Variants in ELL observed in about 807,000 individuals in gnomAD.
ELL encodes RNA polymerase II elongation factor ELL.
In ELL, 18 loss-of-function variants were observed where a neutral mutation model predicts 64.0. That is an observed-to-expected ratio of 0.28 (90% CI 0.19 to 0.42). The LOEUF (loss-of-function observed/expected upper bound fraction) is 0.42, where lower values mean the gene tolerates loss of function less well. ELL is among the 10% of genes least tolerant of loss of function. The probability of loss-of-function intolerance (pLI) is 1.00; values close to 1 mark genes in which losing one functional copy is unlikely to be tolerated. For missense variants in ELL, 797 were observed against 870.4 expected (o/e 0.92, Z 1.06); for synonymous variants, 399 against 376.2 (o/e 1.06, Z -0.70).
chr19:18,499,528 G>A (rs1404155584), intron 1 of ELL, among the ~76,000 whole-genome samples: 2 of 152,328 alleles, frequency 1.3e-5, no homozygotes, highest in Middle Eastern at 3.4e-3. Flanking sequence ...GAGGAAGGGG[G>A]CAAGGTCTCG....
intron 4 of ELL, among the ~76,000 whole-genome samples, chr19:18,462,348 T>TGTGTGTGG (rs1974842907): frequency 1.3e-5 from 1 of 75,688 alleles, no homozygotes; most frequent in Non-Finnish European, 2.2e-5. Flanking sequence ...TGTGTGTGTG[T>TGTGTGTGG]GTGTGTGTGT....
chr19:18,462,320 G>C (rs1415245136), intron 4 of ELL, among the ~76,000 whole-genome samples: 1 of 132,630 alleles, frequency 7.5e-6, no homozygotes, highest in Non-Finnish European at 1.6e-5. Flanking sequence ...GAAATCACCT[G>C]ATCACTCTAG....
chr19:18,505,474 T>A (rs1975863339), intron 1 of ELL, among the ~76,000 whole-genome samples: 1 of 152,204 alleles, frequency 6.6e-6, no homozygotes, highest in South Asian at 2.1e-4. Context: ...AGGGCCATAG[T>A]ACCTGTGCCA....
At chr19:18,494,492 C>T (rs936505971) in intron 1 of ELL, among the ~76,000 whole-genome samples, 6 of 151,906 alleles carry the variant, frequency 3.9e-5, no homozygotes, top group African/African-American at 9.7e-5. Flanking sequence ...CTCCCAGGTT[C>T]AAGCAATTCT....
chr19:18,445,218 A>C lies in ELL; in HGVS notation c.1749+6T>G. 1.2e-6 allele frequency: 2 copies of C among 1,613,924 alleles called. No individual in the cohort carries two copies. The highest frequency in any genetic ancestry group is 1.7e-6 in the Non-Finnish European group (2 of 1,179,978). Reference sequence around the variant, plus strand: ...TGGAGCCCACCCCAACACAAGAGACACTCACCTTTTTGATTTTTCGATATT... The same window carrying C: ...TGGAGCCCACCCCAACACAAGAGACCCTCACCTTTTTGATTTTTCGATATT... On this transcript the variant is annotated splice_donor_region_variant and intron_variant, in intron 11 of 11. Coordinates refer to ENST00000262809, the MANE Select transcript of ELL (RefSeq NM_006532.4).
intron 1 of ELL, among the ~76,000 whole-genome samples, chr19:18,509,109 G>T (rs1436170703): frequency 6.6e-6 from 1 of 152,042 alleles, no homozygotes; most frequent in Non-Finnish European, 1.5e-5. Context: ...TTCCCCTCAA[G>T]ATCTCGGGAA....
chr19:18,496,767 G>A (rs965049473), intron 1 of ELL, among the ~76,000 whole-genome samples: 13 of 152,182 alleles, frequency 8.5e-5, no homozygotes, highest in Admixed American at 2.6e-4. Flanking sequence ...GCTGTGGCCC[G>A]TCATACCAAG....
chr19:18,443,228 A>G lies in ELL; in HGVS notation c.*1524T>C, dbSNP rs951510069. Reference sequence around the variant, plus strand: ...GCCCGGCCCAAAGAGAAAAACAACAACAGCTATTGAAACATGAAGGATCAG... The same window carrying G: ...GCCCGGCCCAAAGAGAAAAACAACAGCAGCTATTGAAACATGAAGGATCAG... On this transcript the variant is annotated 3_prime_UTR_variant, in exon 12 of 12. Transcript: ENST00000262809. 6.9e-5 allele frequency: 16 copies of G among 230,882 alleles called. No individual in the cohort carries two copies. The highest frequency in any genetic ancestry group is 1.3e-4 in the Non-Finnish European group (15 of 116,532). 14.3% of individuals were successfully genotyped at this position (230,882 alleles called of 1,614,324 possible).
intron 1 of ELL, 59 bp from the exon 2 acceptor site, chr19:18,472,941 A>G (rs1220241957): frequency 6.6e-7 from 1 of 1,517,122 alleles, no homozygotes; most frequent in Non-Finnish European, 8.8e-7. Flanking sequence ...GACATTGGGA[A>G]ACCCAAAGAC....
intron 1 of ELL, among the ~76,000 whole-genome samples, chr19:18,482,794 T>TTGTTGC (rs139501319): frequency 1.9e-4 from 29 of 150,178 alleles, no homozygotes; most frequent in Middle Eastern, 3.4e-3. Flanking sequence ...GTTGTTGTTG[T>TTGTTGC]TGCTGCTGTT....
intron 2 of ELL, among the ~76,000 whole-genome samples, chr19:18,468,266 AAC>A (rs1483467129): frequency 1.3e-5 from 2 of 151,344 alleles, no homozygotes; most frequent in Non-Finnish European, 2.9e-5. Flanking sequence ...TACACACAGA[AAC>A]ACAACCTCCC....
At chr19:18,446,658 C>A in intron 9 of ELL, 90 bp downstream of exon 9, 1 of 1,542,794 alleles carries the variant, frequency 6.5e-7, no homozygotes, top group Middle Eastern at 1.7e-4. Context: ...CTTGCAGTGG[C>A]TTCTACCTCT....
At chr19:18,516,171 C>T (rs1976123145) in intron 1 of ELL, among the ~76,000 whole-genome samples, 1 of 152,110 alleles carries the variant, frequency 6.6e-6, no homozygotes, top group African/African-American at 2.4e-5. Flanking sequence ...CTCCTGCCAC[C>T]GGTGCCAAGG....
chr19:18,513,318 C>T (rs1976066549), intron 1 of ELL, among the ~76,000 whole-genome samples: 7 of 152,206 alleles, frequency 4.6e-5, no homozygotes, highest in Admixed American at 3.3e-4. Flanking sequence ...AGCATCCGGA[C>T]ATCCCCAGAA....
Position 18,450,522 on chromosome 19 carries a change from C to A in ELL, c.1420G>T (p.Ala474Ser), listed in dbSNP as rs1490350352. Residue 474 changes from alanine (A) to serine (S), a missense_variant, in exon 8 of 12, where the codon GCA (alanine) becomes TCA (serine). Coordinates refer to ENST00000262809, the MANE Select transcript of ELL (RefSeq NM_006532.4). ...CCGGGGGTGGCATGGGTGGCAGGTG[C>A]ACAGTCTGGAAGCTGGGCCCGGGGC... Reference protein sequence around the residue: ...DKPRAQLPDCAPATHATPGAP... With the variant: ...DKPRAQLPDCSPATHATPGAP... The A allele has an allele frequency of 8.1e-6, 13 of 1,613,166 alleles. No homozygotes were observed. The South Asian group carries it at 1.3e-4, about 16-fold the overall frequency.
chr19:18,502,396 G>A (rs1253515465), intron 1 of ELL, among the ~76,000 whole-genome samples: 2 of 152,192 alleles, frequency 1.3e-5, no homozygotes, highest in African/African-American at 4.8e-5. Flanking sequence ...TCCCAGGTGA[G>A]GGCCAGGCCT....
intron 1 of ELL, among the ~76,000 whole-genome samples, chr19:18,507,064 C>G (rs1975897760): frequency 6.6e-6 from 1 of 152,200 alleles, no homozygotes; most frequent in Non-Finnish European, 1.5e-5. Flanking sequence ...ATGAGCTGGA[C>G]ACAGGCTGCC....
At chr19:18,514,924 A>G (rs1013743387) in intron 1 of ELL, among the ~76,000 whole-genome samples, 5 of 152,250 alleles carry the variant, frequency 3.3e-5, no homozygotes, top group African/African-American at 1.2e-4. Flanking sequence ...TACGTGGAGC[A>G]GAGAGGCAAT....
intron 1 of ELL, among the ~76,000 whole-genome samples, chr19:18,474,498 T>C (rs1369854170): frequency 6.6e-6 from 1 of 152,224 alleles, no homozygotes; most frequent in African/African-American, 2.4e-5. Context: ...CCCCAGAAAC[T>C]GCCCCATGCT....
Sources: gnomAD v4.1 joint callset for allele counts (sites outside exome capture counted in the v4.1 genomes callset) on GRCh38, gnomAD v4.1.1 for gene constraint, MANE v1.5 for transcripts, NCBI Gene and HGNC (gene_info 2026-07-23, HGNC 2026-07-21) for gene names.